Variants in ITPR1 observed in about 807,000 individuals in gnomAD.
ITPR1 encodes inositol 1,4,5-trisphosphate receptor type 1.
Under a neutral mutation model 318.4 loss-of-function variants are expected in ITPR1, and 96 were observed. The ratio of observed to expected loss-of-function variants is 0.30; its 90% CI spans 0.26 to 0.36. ITPR1 has a LOEUF of 0.36. Ranked by LOEUF, ITPR1 falls within the 10% of genes least tolerant of loss-of-function variation. The probability of loss-of-function intolerance (pLI) is 1.00; values close to 1 mark genes in which losing one functional copy is unlikely to be tolerated. For synonymous variants in ITPR1, 1,312 were observed against 1,289.9 expected, an observed-to-expected ratio of 1.02 and a Z score of -0.37; for missense variants, 2,440 against 3,460.2, an observed-to-expected ratio of 0.71 and a Z score of 7.40.
At chr3:4,553,943 G>A (rs1179922150) in intron 4 of ITPR1, among the ~76,000 whole-genome samples, 1 of 148,898 alleles carries the variant, frequency 6.7e-6, no homozygotes. Context: ...ATTTTGCCAT[G>A]TTGCCCAGGC....
At position 4,634,819 on chromosome 3, in the gene ITPR1, A is replaced by G. The variant is rs561455587; in HGVS notation, c.280-4565A>G. The stretch of plus-strand genomic sequence containing the variant: ...AGTGGTGCGATCTTGGCTCACTGCA[A>G]CCTCCACCTCCTGGGTTCAAGTGAT... On this transcript the variant is annotated intron_variant, in intron 5 of 61. Coordinates refer to ENST00000649015, the MANE Select transcript of ITPR1 (RefSeq NM_001378452.1). Among the ~76,000 whole-genome samples the G allele has an allele frequency of 5.3e-5, 8 of 152,070 alleles. No homozygotes were observed. In the South Asian group the frequency reaches 1.7e-3, roughly 32 times the overall value.
chr3:4,730,370 AATGTGTGTGTGT>A (rs1444467204), intron 42 of ITPR1, among the ~76,000 whole-genome samples: 3 of 91,558 alleles, frequency 3.3e-5, no homozygotes, highest in Non-Finnish European at 4.6e-5. Context: ...TGTTGGGTGG[AATGTGTGTGTGT>A]GTGTGTGTGT....
At chr3:4,835,979 G>A (rs1174487450) in intron 60 of ITPR1, among the ~76,000 whole-genome samples, 7 of 152,160 alleles carry the variant, frequency 4.6e-5, no homozygotes, top group Non-Finnish European at 1.0e-4. Context: ...AACAAGAGGA[G>A]TGGTTTCTAT....
At chr3:4,668,616 T>C (rs2094003945) in intron 18 of ITPR1, among the ~76,000 whole-genome samples, 2 of 152,134 alleles carry the variant, frequency 1.3e-5, no homozygotes, top group East Asian at 1.9e-4. Context: ...TACAGGCACG[T>C]GCCACCACAC....
At chr3:4,797,741 TCAGCCAGCTTTAA>T (rs2047986623) in intron 53 of ITPR1, among the ~76,000 whole-genome samples, 2 of 152,262 alleles carry the variant, frequency 1.3e-5, no homozygotes, top group South Asian at 4.1e-4. Context: ...CATATATCTA[TCAGCCAGCTTTAA>T]CAATTTTGCC....
At position 4,723,613 on chromosome 3, in the gene ITPR1, A is replaced by G. The variant is rs1483502671; in HGVS notation, c.5137-1933A>G. ...CCTATTTCTATTCTGAAAGAATTCAAGATGCTTCTCTGGACAAAGAGAGCA... is the reference window on the plus strand; with the variant it reads ...CCTATTTCTATTCTGAAAGAATTCAGGATGCTTCTCTGGACAAAGAGAGCA... On this transcript the variant is annotated intron_variant, in intron 40 of 61. Transcript: ENST00000649015. Among the ~76,000 whole-genome samples, 3 of 151,978 alleles carry G rather than the reference A, an allele frequency of 2.0e-5. No individual in the cohort carries two copies. The East Asian group carries it at 5.8e-4, about 29-fold the overall frequency.
intron 35 of ITPR1, among the ~76,000 whole-genome samples, chr3:4,702,387 C>T (rs1307683325): frequency 6.6e-6 from 1 of 152,200 alleles, no homozygotes; most frequent in African/African-American, 2.4e-5. Context: ...GGGTTCTACT[C>T]AGTGGATATA....
At chr3:4,652,410 A>T (rs1393145373) in intron 11 of ITPR1, among the ~76,000 whole-genome samples, 192 bp downstream of exon 11, 1 of 152,204 alleles carries the variant, frequency 6.6e-6, no homozygotes, top group Non-Finnish European at 1.5e-5. Context: ...ACATTTTGGT[A>T]GGTGACAGGG....
At chr3:4,740,129 T>C (rs2043593542) in intron 44 of ITPR1, among the ~76,000 whole-genome samples, 1 of 151,796 alleles carries the variant, frequency 6.6e-6, no homozygotes, top group Non-Finnish European at 1.5e-5. Flanking sequence ...GTGAGGAGGG[T>C]ACATGTATAA....
intron 25 of ITPR1, 70 bp downstream of exon 25, chr3:4,680,761 C>CAGTA (rs2094281892): frequency 2.9e-6 from 4 of 1,357,802 alleles, no homozygotes; most frequent in Non-Finnish European, 4.0e-6. Flanking sequence ...GGAGAGCAAA[C>CAGTA]AGTATCTTCT....
intron 31 of ITPR1, among the ~76,000 whole-genome samples, chr3:4,690,077 G>A (rs1309447638): frequency 6.6e-6 from 1 of 152,220 alleles, no homozygotes; most frequent in Non-Finnish European, 1.5e-5. Context: ...AGGAGTTTGA[G>A]ACCAGCCTGG....
chr3:4,811,527 G>C, intron 56 of ITPR1, 67 bp downstream of exon 56: 71 of 1,242,950 alleles, frequency 5.7e-5, no homozygotes, highest in Non-Finnish European at 2.0e-5. Flanking sequence ...CTGAACTAAA[G>C]AAAATAACGA....
At chr3:4,752,675 T>A (rs1428446461) in intron 44 of ITPR1, among the ~76,000 whole-genome samples, 2 of 152,198 alleles carry the variant, frequency 1.3e-5, no homozygotes, top group Admixed American at 6.5e-5. Flanking sequence ...GTAAATTTTT[T>A]AAAAAGAGAG....
At chr3:4,814,360 C>A in intron 57 of ITPR1, 63 bp from the exon 58 acceptor site, 2 of 1,571,240 alleles carry the variant, frequency 1.3e-6, no homozygotes, top group Non-Finnish European at 1.8e-6. Flanking sequence ...AACAGGATTT[C>A]AAAATCCCGG....
intron 24 of ITPR1, among the ~76,000 whole-genome samples, chr3:4,678,602 C>T (rs779056835): frequency 3.3e-5 from 5 of 152,090 alleles, no homozygotes; most frequent in South Asian, 2.1e-4. Context: ...GATGAAGCTG[C>T]GTGGATGTGG....
chr3:4,718,642 G>C (rs2041936509), intron 40 of ITPR1, among the ~76,000 whole-genome samples: 1 of 152,168 alleles, frequency 6.6e-6, no homozygotes, highest in Admixed American at 6.5e-5. Flanking sequence ...TGTGCTTACT[G>C]TTCTACCACA....
chr3:4,598,665 T>C (rs2091039538), intron 4 of ITPR1, among the ~76,000 whole-genome samples: 1 of 152,196 alleles, frequency 6.6e-6, no homozygotes, highest in African/African-American at 2.4e-5. Context: ...TTATCACTTC[T>C]GCCTTTAAGA....
At chr3:4,680,476 A>C (rs2094276199) in intron 24 of ITPR1, 77 bp from the exon 25 acceptor site, 1 of 1,325,230 alleles carries the variant, frequency 7.5e-7, no homozygotes, top group African/African-American at 1.4e-5. Context: ...AGGCCCCGCC[A>C]GTGTGTGGTG....
intron 12 of ITPR1, among the ~76,000 whole-genome samples, chr3:4,654,485 C>T (rs1325080902): frequency 6.6e-6 from 1 of 152,210 alleles, no homozygotes; most frequent in East Asian, 1.9e-4. Context: ...TACGTAGACA[C>T]TTTGGACTTC....
Sources: allele counts gnomAD v4.1 joint callset (sites outside exome capture counted in the v4.1 genomes callset), GRCh38; gene constraint gnomAD v4.1.1; transcripts MANE v1.5; gene names NCBI Gene and HGNC (gene_info 2026-07-23, HGNC 2026-07-21).